The following C8orf88 variants were observed in gnomAD, a reference collection of about 807,000 sequenced individuals.
C8orf88 encodes the protein uncharacterized protein C8orf88.
C8orf88 carries 14 observed loss-of-function variants against 18.4 expected under a neutral mutation model. The ratio of observed to expected loss-of-function variants is 0.76; its 90% CI spans 0.50 to 1.19. The LOEUF is 1.19. Ranked by LOEUF, C8orf88 falls within the 50% of genes most tolerant of loss-of-function variation. The pLI is 0.00. For missense variants in C8orf88, 116 were observed against 134.7 expected (o/e 0.86, Z 0.69); for synonymous variants, 45 against 42.9 (o/e 1.05, Z -0.19).
intron 4 of C8orf88, among the ~76,000 whole-genome samples, chr8:90,963,115 T>C (rs138478435): frequency 4.4e-4 from 67 of 151,550 alleles, no homozygotes; most frequent in African/African-American, 1.5e-3. Context: ...TCAAAATACA[T>C]AGAGGCCTTA....
chr8:90,983,734 G>T (rs1295823352), intron 1 of C8orf88, among the ~76,000 whole-genome samples: 1 of 152,020 alleles, frequency 6.6e-6, no homozygotes, highest in African/African-American at 2.4e-5. Context: ...GAAACCTGAG[G>T]CTCAGAAAAA....
chr8:90,967,501 G>GTCT (rs1811218465), intron 4 of C8orf88, among the ~76,000 whole-genome samples: 1 of 151,670 alleles, frequency 6.6e-6, no homozygotes, highest in Admixed American at 6.6e-5. Context: ...GTGTTTAGTA[G>GTCT]ACAAGTGTTT....
chr8:90,978,143 G>T (rs1171130036), intron 3 of C8orf88, among the ~76,000 whole-genome samples: 1 of 152,028 alleles, frequency 6.6e-6, no homozygotes, highest in East Asian at 1.9e-4. Context: ...TAAACTTTGT[G>T]ACTAATTTAC....
intron 4 of C8orf88, among the ~76,000 whole-genome samples, chr8:90,963,312 C>G (rs1811153079): frequency 6.6e-6 from 1 of 151,612 alleles, no homozygotes; most frequent in African/African-American, 2.4e-5. Context: ...ACAACAACTA[C>G]TACAACAAAG....
intron 3 of C8orf88, 84 bp from the exon 4 acceptor site, chr8:90,971,225 T>C: frequency 3.1e-6 from 2 of 653,124 alleles, no homozygotes; most frequent in Non-Finnish European, 2.4e-6. Context: ...AATATTTTCC[T>C]AATAATAAAT....
intron 3 of C8orf88, among the ~76,000 whole-genome samples, chr8:90,977,773 C>T (rs1312858214): frequency 6.6e-6 from 1 of 151,994 alleles, no homozygotes; most frequent in African/African-American, 2.4e-5. Context: ...GAAACCCCAT[C>T]TGTACTAAAA....
chr8:90,984,523 G>C (rs569260649), intron 1 of C8orf88, among the ~76,000 whole-genome samples: 36 of 152,280 alleles, frequency 2.4e-4, no homozygotes, highest in South Asian at 6.2e-4. Context: ...GAAGCTTGGA[G>C]AGTTCCAACA....
chr8:90,959,260 CTG>C lies in C8orf88; in HGVS notation c.331-232_331-231del, dbSNP rs754863942. On this transcript the variant is annotated intron_variant, in intron 5 of 5. Coordinates refer to ENST00000517562, the MANE Select transcript of C8orf88 (RefSeq NM_001190972.2). ...TAAATTGTATTCCAAACCTGTTCTT[CTG>C]TTTCTGTGGCACCTAGGTTTAAAAT... 1.5e-5 allele frequency: 4 copies of C among 259,706 alleles called. No individual in the cohort carries two copies. The South Asian group carries it at 4.1e-4, about 27-fold the overall frequency. The allele number at this position is 259,706 out of a possible 1,614,324, so 16.1% of individuals were successfully genotyped here. A position where few individuals can be genotyped will look rare whatever the true frequency, so the allele number is the denominator to read the frequency against.
intron 3 of C8orf88, among the ~76,000 whole-genome samples, chr8:90,976,472 G>A (rs550775226): frequency 2.0e-5 from 3 of 152,076 alleles, no homozygotes; most frequent in African/African-American, 7.2e-5. Flanking sequence ...GAAGGTCAAT[G>A]GTTCCAAAAA....
At chr8:90,959,875 A>G (rs1333396192) in intron 5 of C8orf88, among the ~76,000 whole-genome samples, 1 of 151,378 alleles carries the variant, frequency 6.6e-6, no homozygotes, top group African/African-American at 2.4e-5. Context: ...ATTCCAGTCA[A>G]ATGTAAGTAG....
chr8:90,981,257 C>T (rs923715468), intron 1 of C8orf88, among the ~76,000 whole-genome samples: 2 of 152,156 alleles, frequency 1.3e-5, no homozygotes, highest in African/African-American at 4.8e-5. Context: ...GTAAAACTGC[C>T]TTCAATTTGA....
Position 90,968,657 on chromosome 8 carries a change from CATATAT to C in C8orf88, c.223+2403_223+2408del, listed in dbSNP as rs34558575. Among the ~76,000 whole-genome samples the C allele has an allele frequency of 3.1e-3, 225 of 72,810 alleles. 19 individuals carry two copies. The highest frequency in any genetic ancestry group is 7.8e-3 in the Middle Eastern group (1 of 128). 47.8% of individuals were successfully genotyped at this position (72,810 alleles called of 152,430 possible). On this transcript the variant is annotated intron_variant, in intron 4 of 5. Transcript: ENST00000517562. Reference sequence around the variant, plus strand: ...TCTCCAGTAGAGAATGAAAAGACAACATATATATATATATATATATATATATATGCA... The same window carrying C: ...TCTCCAGTAGAGAATGAAAAGACAACATATATATATATATATATATATGCA...
At chr8:90,977,531 A>G (rs938370807) in intron 3 of C8orf88, among the ~76,000 whole-genome samples, 1 of 152,234 alleles carries the variant, frequency 6.6e-6, no homozygotes, top group Non-Finnish European at 1.5e-5. Flanking sequence ...CACATATATT[A>G]AAAGATTGTT....
intron 1 of C8orf88, among the ~76,000 whole-genome samples, chr8:90,982,393 G>A (rs575909555): frequency 1.3e-5 from 2 of 152,258 alleles, no homozygotes; most frequent in South Asian, 4.1e-4. Flanking sequence ...ATACTAGTAT[G>A]TAGTAACTTT....
At chr8:90,976,983 TA>T (rs1459668893) in intron 3 of C8orf88, among the ~76,000 whole-genome samples, 2 of 152,024 alleles carry the variant, frequency 1.3e-5, no homozygotes, top group Admixed American at 6.5e-5. Context: ...AAATGCCACA[TA>T]AAAAATGACT....
intron 4 of C8orf88, among the ~76,000 whole-genome samples, chr8:90,967,113 C>A (rs1188408839): frequency 6.6e-6 from 1 of 151,816 alleles, no homozygotes; most frequent in African/African-American, 2.4e-5. Flanking sequence ...TGAAAGTGGG[C>A]ACCCTTATCT....
chr8:90,976,864 T>C (rs956237488), intron 3 of C8orf88, among the ~76,000 whole-genome samples: 10 of 152,080 alleles, frequency 6.6e-5, no homozygotes, highest in African/African-American at 1.4e-4. Context: ...TGGAAGAATA[T>C]ATAGAAAACA....
intron 2 of C8orf88, among the ~76,000 whole-genome samples, chr8:90,980,098 G>A (rs1811411290): frequency 6.6e-6 from 1 of 152,140 alleles, no homozygotes. Context: ...GAAGCCAGAA[G>A]CCTACAAAAA....
intron 3 of C8orf88, among the ~76,000 whole-genome samples, chr8:90,971,906 A>G (rs952699209): frequency 6.6e-6 from 1 of 152,046 alleles, no homozygotes; most frequent in Non-Finnish European, 1.5e-5. Context: ...CCCAGAACGC[A>G]AGACATCAAG....
Sources: allele counts gnomAD v4.1 joint callset (sites outside exome capture counted in the v4.1 genomes callset), GRCh38; gene constraint gnomAD v4.1.1; transcripts MANE v1.5; gene names NCBI Gene and HGNC (gene_info 2026-07-23, HGNC 2026-07-21).